Variants in IPCEF1 observed in about 807,000 individuals in gnomAD.
IPCEF1 encodes the protein interactor protein for cytohesin exchange factors 1.
Under a neutral mutation model 50.9 loss-of-function variants are expected in IPCEF1, and 31 were observed. That is an observed-to-expected ratio of 0.61 (90% CI 0.46 to 0.82). The LOEUF (loss-of-function observed/expected upper bound fraction) is 0.82. Ranked by LOEUF, IPCEF1 falls within the 40% of genes least tolerant of loss-of-function variation. The pLI, the probability that IPCEF1 is intolerant of heterozygous loss-of-function variation, is 0.00. For synonymous variants in IPCEF1, 181 were observed against 192.0 expected (o/e 0.94, Z 0.47); for missense variants, 458 against 514.0 (o/e 0.89, Z 1.05).
intron 5 of IPCEF1, among the ~76,000 whole-genome samples, chr6:154,225,942 C>T (rs1779213370): frequency 6.6e-6 from 1 of 152,198 alleles, no homozygotes; most frequent in African/African-American, 2.4e-5. Context: ...TTTAGTCCTC[C>T]CTTAATTGAA....
chr6:154,248,306 C>CGTGTATGT (rs138534076), intron 3 of IPCEF1, among the ~76,000 whole-genome samples: 2 of 147,242 alleles, frequency 1.4e-5, no homozygotes, highest in African/African-American at 5.0e-5. Context: ...CTTTAAAATA[C>CGTGTATGT]GTGTGTGTGT....
chr6:154,337,958 C>T (rs1451124883), intron 1 of IPCEF1, among the ~76,000 whole-genome samples: 1 of 152,156 alleles, frequency 6.6e-6, no homozygotes, highest in Non-Finnish European at 1.5e-5. Flanking sequence ...ATTGGGGAAA[C>T]TGTGGCTCAG....
At chr6:154,352,698 C>A (rs753039009) in intron 1 of IPCEF1, among the ~76,000 whole-genome samples, 2 of 152,288 alleles carry the variant, frequency 1.3e-5, no homozygotes, top group East Asian at 3.9e-4. Flanking sequence ...ATTTTGGTTA[C>A]GTCCCTGATA....
intron 1 of IPCEF1, among the ~76,000 whole-genome samples, chr6:154,303,149 T>TGGAACAATCTCAGCTCACTGCAAC (rs2128676115): frequency 1.4e-5 from 2 of 142,130 alleles, no homozygotes; most frequent in South Asian, 4.4e-4. Context: ...TGGAGTGCAA[T>TGGAACAATCTCAGCTCACTGCAAC]GGCACAATCT....
intron 1 of IPCEF1, among the ~76,000 whole-genome samples, chr6:154,296,124 T>C (rs1782650411): frequency 6.6e-6 from 1 of 151,968 alleles, no homozygotes; most frequent in African/African-American, 2.4e-5. Context: ...TTCATGAGGA[T>C]AAAGGAAGCA....
At chr6:154,252,270 C>T (rs920106424) in intron 3 of IPCEF1, among the ~76,000 whole-genome samples, 32 of 152,142 alleles carry the variant, frequency 2.1e-4, no homozygotes, top group Non-Finnish European at 3.7e-4. Flanking sequence ...CATTAACAGC[C>T]AAAGAAAAAG....
intron 10 of IPCEF1, among the ~76,000 whole-genome samples, chr6:154,193,497 T>C (rs1318914620): frequency 1.3e-5 from 2 of 152,066 alleles, no homozygotes; most frequent in African/African-American, 4.8e-5. Context: ...CAAAAACCTA[T>C]GGAAATAACA....
chr6:154,285,727 T>G (rs1418038664), intron 2 of IPCEF1, among the ~76,000 whole-genome samples: 1 of 152,218 alleles, frequency 6.6e-6, no homozygotes, highest in Non-Finnish European at 1.5e-5. Flanking sequence ...CATCTATTTC[T>G]TCACTGCCAG....
chr6:154,167,496 T>C (rs1302852061), intron 11 of IPCEF1, among the ~76,000 whole-genome samples: 1 of 152,214 alleles, frequency 6.6e-6, no homozygotes, highest in Non-Finnish European at 1.5e-5. Flanking sequence ...TCCTGAAGAC[T>C]GGTACCCTTG....
In IPCEF1 at chr6:154,223,233, G is replaced by A; in HGVS notation, c.257C>T (p.Ala86Val). 1 of 1,612,706 alleles carries A rather than the reference G, an allele frequency of 6.2e-7. No individual in the cohort carries two copies. Among genetic ancestry groups the A allele is most frequent in the Non-Finnish European group, 8.5e-7 (1 of 1,179,536 alleles). ...YWYSNQMAEKADGFVNLPDFT... is the reference protein window; with the variant it reads ...YWYSNQMAEKVDGFVNLPDFT... ...ATCAGGCAGGTTGACAAATCCATCA[G>A]CTTTCTCTGCCTGAAACAAATATAT... Residue 86 changes from alanine (A) to valine (V), a missense_variant, in exon 6 of 12, where the codon GCT (alanine) becomes GTT (valine). Transcript: ENST00000367220.
intron 1 of IPCEF1, among the ~76,000 whole-genome samples, chr6:154,296,844 G>GA (rs566680187): frequency 0.071 from 10,131 of 142,624 alleles, 497 homozygotes; most frequent in African/African-American, 0.13. Flanking sequence ...AAAAAAAAAA[G>GA]AAAAAAAAAG....
intron 7 of IPCEF1, chr6:154,219,016 T>A (rs1400223418): frequency 2.0e-5 from 3 of 152,198 alleles, no homozygotes; most frequent in African/African-American, 7.2e-5. Flanking sequence ...GAAGTATTTA[T>A]ATCATATCTA....
Position 154,292,225 on chromosome 6 carries a change from T to G in IPCEF1, c.-61-2469A>C, listed in dbSNP as rs574577221. On this transcript the variant is annotated intron_variant, in intron 1 of 11. Coordinates refer to ENST00000367220, the MANE Select transcript of IPCEF1 (RefSeq NM_001130700.2). ...AATATGGATTTGACTGACTGTTCCT[T>G]CACAACTAAGTTAAACATTTTTGGC... is the stretch of plus-strand genomic sequence containing the variant. Among the ~76,000 whole-genome samples the G allele has an allele frequency of 3.9e-5, 6 of 152,294 alleles. No individual in the cohort carries two copies. In the South Asian group the frequency reaches 8.3e-4, roughly 21 times the overall value.
Position 154,299,067 on chromosome 6 carries a change from C to T in IPCEF1, c.-61-9311G>A, listed in dbSNP as rs1159503661. Among the ~76,000 whole-genome samples, 4 of 141,326 alleles carry T rather than the reference C, an allele frequency of 2.8e-5. 1 individual carries two copies. The highest frequency in any genetic ancestry group is 6.4e-5 in the Non-Finnish European group (4 of 62,888). The allele number at this position is 141,326 out of a possible 152,430, so 92.7% of individuals were successfully genotyped here. A position where few individuals can be genotyped will look rare whatever the true frequency, so the allele number is the denominator to read the frequency against. ...TCCTCTTTATCCCAGGATGTTAACC[C>T]AAAGAGTTTAGGAAATACTGCTATT... is the stretch of plus-strand genomic sequence containing the variant. On this transcript the variant is annotated intron_variant, in intron 1 of 11. Coordinates refer to ENST00000367220, the MANE Select transcript of IPCEF1 (RefSeq NM_001130700.2).
At chr6:154,209,469 G>A (rs773115357) in intron 9 of IPCEF1, among the ~76,000 whole-genome samples, 3 of 151,852 alleles carry the variant, frequency 2.0e-5, no homozygotes, top group Non-Finnish European at 4.4e-5. Context: ...TAGAGAACAT[G>A]GCAAAACCCT....
At chr6:154,298,168 T>C (rs1782710032) in intron 1 of IPCEF1, among the ~76,000 whole-genome samples, 1 of 152,204 alleles carries the variant, frequency 6.6e-6, no homozygotes, top group South Asian at 2.1e-4. Flanking sequence ...GCTACATAAA[T>C]GGCAGAATGC....
At chr6:154,185,670 C>T (rs947943651) in intron 10 of IPCEF1, among the ~76,000 whole-genome samples, 2 of 151,976 alleles carry the variant, frequency 1.3e-5, no homozygotes, top group Non-Finnish European at 2.9e-5. Flanking sequence ...ACTTTTAATC[C>T]GGGGGTGTCC....
At chr6:154,336,896 G>A (rs1213590379) in intron 1 of IPCEF1, among the ~76,000 whole-genome samples, 4 of 152,172 alleles carry the variant, frequency 2.6e-5, no homozygotes, top group Non-Finnish European at 5.9e-5. Context: ...GATCAATCAT[G>A]CCTGGCCTAG....
intron 9 of IPCEF1, among the ~76,000 whole-genome samples, chr6:154,209,163 A>T (rs112269568): frequency 5.9e-5 from 9 of 152,334 alleles, no homozygotes; most frequent in African/African-American, 1.7e-4. Context: ...AAGATTTTAA[A>T]TTTTTTTGAA....
Sources: allele counts gnomAD v4.1 joint callset (sites outside exome capture counted in the v4.1 genomes callset), GRCh38; gene constraint gnomAD v4.1.1; transcripts MANE v1.5; gene names NCBI Gene and HGNC (gene_info 2026-07-23, HGNC 2026-07-21).